Variants in PCSK5 observed in about 807,000 individuals in gnomAD.
PCSK5 encodes prohormone convertase 5.
PCSK5 carries 129 observed loss-of-function variants against 233.2 expected under a neutral mutation model. The ratio of observed to expected loss-of-function variants is 0.55; its 90% CI spans 0.48 to 0.64. The LOEUF (loss-of-function observed/expected upper bound fraction) is 0.64. PCSK5 is among the 30% of genes least tolerant of loss of function. The pLI is 0.00. For missense variants in PCSK5, 2,076 were observed against 2,430.1 expected (o/e 0.85, Z 3.06); for synonymous variants, 825 against 879.2 (o/e 0.94, Z 1.09).
intron 2 of PCSK5, among the ~76,000 whole-genome samples, chr9:75,934,670 C>T (rs1314636878): frequency 6.6e-6 from 1 of 151,906 alleles, no homozygotes; most frequent in African/African-American, 2.4e-5. Flanking sequence ...CAACCTCCAA[C>T]TCCCGGGTTC....
chr9:76,163,812 A>T (rs754840840), intron 12 of PCSK5, among the ~76,000 whole-genome samples: 23 of 151,554 alleles, frequency 1.5e-4, no homozygotes, highest in Non-Finnish European at 2.9e-4. Context: ...AGCTTATCCC[A>T]GCAGATTCTT....
chr9:75,969,401 T>C (rs1043085546), intron 2 of PCSK5, among the ~76,000 whole-genome samples: 4 of 152,164 alleles, frequency 2.6e-5, no homozygotes, highest in Admixed American at 2.6e-4. Flanking sequence ...TTGATTGGCC[T>C]TACTGCTTAA....
At chr9:76,167,612 G>A (rs1393457111) in intron 12 of PCSK5, among the ~76,000 whole-genome samples, 5 of 152,176 alleles carry the variant, frequency 3.3e-5, no homozygotes, top group Admixed American at 2.0e-4. Context: ...TGGCATTTTA[G>A]AAAGAGCCTC....
At position 76,338,250 on chromosome 9, in the gene PCSK5, C is replaced by T. The variant is rs763233916; in HGVS notation, c.4769C>T (p.Thr1590Ile). The change falls in exon 35 of 38, where the codon ACT becomes ATT. Residue 1590 changes from threonine to isoleucine, a missense_variant. By Grantham distance (89) the Thr-to-Ile change is moderately conservative. Around this residue, in one of 6 missense-constraint regions of PCSK5, gnomAD observed 1,510 missense variants for 1,538.1 expected, o/e 0.98. Coordinates refer to ENST00000674117, the MANE Select transcript of PCSK5 (RefSeq NM_001372043.1). Reference protein sequence around the residue: ...CREGYYADNSTGRCERCNRSC... With the variant: ...CREGYYADNSIGRCERCNRSC... Reference sequence around the variant, plus strand: ...TTCAGATATTACGCAGACAACTCCACTGGCCGGTGTGAGAGGTGCAACAGG... The same window carrying T: ...TTCAGATATTACGCAGACAACTCCATTGGCCGGTGTGAGAGGTGCAACAGG... The T allele has an allele frequency of 1.9e-6, 3 of 1,612,112 alleles. No homozygotes were observed. Among genetic ancestry groups the T allele is most frequent in the African/African-American group, 1.3e-5 (1 of 74,934 alleles).
chr9:76,182,292 AC>A (rs1240872011), intron 16 of PCSK5, among the ~76,000 whole-genome samples: 1 of 152,022 alleles, frequency 6.6e-6, no homozygotes, highest in Admixed American at 6.5e-5. Flanking sequence ...ATCAAAATAT[AC>A]TTTTTAAAAA....
At chr9:75,915,066 G>A (rs1480958931) in intron 1 of PCSK5, among the ~76,000 whole-genome samples, 1 of 152,162 alleles carries the variant, frequency 6.6e-6, no homozygotes, top group Non-Finnish European at 1.5e-5. Flanking sequence ...ATCTTGTTTT[G>A]TCCGTTGGAA....
chr9:75,978,186 C>T (rs1378647034), intron 2 of PCSK5, among the ~76,000 whole-genome samples: 1 of 152,108 alleles, frequency 6.6e-6, no homozygotes, highest in Non-Finnish European at 1.5e-5. Context: ...AAAATTTAGA[C>T]ATCCCTACCA....
intron 21 of PCSK5, among the ~76,000 whole-genome samples, chr9:76,232,809 T>A (rs1174327139): frequency 6.6e-6 from 1 of 152,242 alleles, no homozygotes. Context: ...TAGAAGCCCA[T>A]ATACCAACTC....
intron 2 of PCSK5, among the ~76,000 whole-genome samples, chr9:75,965,339 TTGA>T (rs1825535982): frequency 2.6e-5 from 2 of 78,318 alleles, no homozygotes; most frequent in South Asian, 8.9e-4. Context: ...GTGGATTCAC[TTGA>T]TTACAGAAGC....
intron 22 of PCSK5, among the ~76,000 whole-genome samples, chr9:76,237,034 C>T (rs1007471084): frequency 7.9e-5 from 12 of 152,116 alleles, no homozygotes; most frequent in Admixed American, 2.0e-4. Context: ...TTCCTCACTG[C>T]TCTCCCTCAA....
At chr9:76,234,092 C>A (rs1052225605) in intron 22 of PCSK5, among the ~76,000 whole-genome samples, 1 of 152,138 alleles carries the variant, frequency 6.6e-6, no homozygotes, top group Non-Finnish European at 1.5e-5. Flanking sequence ...TCATTGGATT[C>A]TATTTCATGC....
At chr9:76,343,254 T>C (rs749304669) in intron 35 of PCSK5, among the ~76,000 whole-genome samples, 14 of 151,324 alleles carry the variant, frequency 9.3e-5, no homozygotes, top group Admixed American at 1.3e-4. Flanking sequence ...AACCTCTGCT[T>C]CCTGGGTTCA....
intron 4 of PCSK5, among the ~76,000 whole-genome samples, chr9:76,026,063 C>T (rs1362069130): frequency 6.6e-6 from 1 of 152,092 alleles, no homozygotes; most frequent in Non-Finnish European, 1.5e-5. Flanking sequence ...GCCGTGATCA[C>T]ACCACTGCCC....
chr9:76,285,944 GA>G (rs1314708128), intron 24 of PCSK5, among the ~76,000 whole-genome samples: 1 of 151,856 alleles, frequency 6.6e-6, no homozygotes, highest in African/African-American at 2.4e-5. Flanking sequence ...TAATAAATGA[GA>G]AAAAAAGAGG....
intron 20 of PCSK5, chr9:76,193,428 G>C (rs866429515): frequency 9.4e-4 from 589 of 629,546 alleles, no homozygotes; most frequent in Middle Eastern, 9.9e-4. Context: ...AAGCCAAAAA[G>C]AAAAAAAAAA....
At chr9:76,065,885 A>G (rs1410685624) in intron 5 of PCSK5, among the ~76,000 whole-genome samples, 1 of 152,178 alleles carries the variant, frequency 6.6e-6, no homozygotes, top group Non-Finnish European at 1.5e-5. Flanking sequence ...CAGATTTCCC[A>G]GCATTATTTA....
chr9:75,975,228 G>A (rs910324665), intron 2 of PCSK5, among the ~76,000 whole-genome samples: 4 of 152,300 alleles, frequency 2.6e-5, no homozygotes, highest in South Asian at 4.1e-4. Flanking sequence ...AGTAGGAGCC[G>A]TGGAAATTTA....
At chr9:76,092,466 TA>T (rs1831337429) in intron 7 of PCSK5, among the ~76,000 whole-genome samples, 1 of 152,174 alleles carries the variant, frequency 6.6e-6, no homozygotes. Context: ...GGTGTGAGCA[TA>T]GCTGCCTGCA....
intron 3 of PCSK5, among the ~76,000 whole-genome samples, chr9:76,014,205 G>T (rs1827851968): frequency 6.6e-6 from 1 of 152,006 alleles, no homozygotes; most frequent in African/African-American, 2.4e-5. Flanking sequence ...AGAATGAGAG[G>T]TGCTTACTGC....
Sources: allele counts gnomAD v4.1 joint callset (sites outside exome capture counted in the v4.1 genomes callset), GRCh38; gene constraint gnomAD v4.1.1; regional missense constraint gnomAD v4.1.1; transcripts MANE v1.5; gene names NCBI Gene and HGNC (gene_info 2026-07-23, HGNC 2026-07-21).